The following SLCO3A1 variants were observed in gnomAD, a reference collection of about 807,000 sequenced individuals.
The protein encoded by SLCO3A1 is solute carrier organic anion transporter family member 3A1, also known as PGE1 transporter.
SLCO3A1 carries 27 observed loss-of-function variants against 63.1 expected under a neutral mutation model. The ratio of observed to expected loss-of-function variants is 0.43; its 90% confidence interval spans 0.32 to 0.59. The LOEUF (loss-of-function observed/expected upper bound fraction) is 0.59, where lower values mean the gene tolerates loss of function less well. Among genes scored for constraint, SLCO3A1 ranks in the 20% least tolerant of loss-of-function variants. The pLI is 0.09. For synonymous variants in SLCO3A1, 473 were observed against 409.9 expected (o/e 1.15, Z -1.86); for missense variants, 773 against 945.8 (o/e 0.82, Z 2.40).
At chr15:91,915,923 C>T in intron 1 of SLCO3A1, 70 bp from the exon 2 acceptor site, 2 of 1,337,506 alleles carry the variant, frequency 1.5e-6, no homozygotes, top group African/African-American at 1.5e-5. Context: ...AGCGCACTGT[C>T]AGGCGGGAAG....
rs935758432 is a variant in SLCO3A1 at position 92,164,784 on chromosome 15, G to A, written c.*1649G>A. On this transcript the variant is annotated 3_prime_UTR_variant, in exon 10 of 10. Coordinates refer to ENST00000318445, the MANE Select transcript of SLCO3A1 (RefSeq NM_013272.4). ...TGTTATGATTTGGGGTAAGAATCAC[G>A]TTGGAAAACCTCTCGCAACCAGCAC... 1.5e-5 allele frequency: 15 copies of A among 985,266 alleles called. No individual in the cohort carries two copies. Among genetic ancestry groups the A allele is most frequent in the African/African-American group, 3.5e-5 (2 of 57,206 alleles). 61.0% of individuals were successfully genotyped at this position (985,266 alleles called of 1,614,324 possible).
In SLCO3A1 at chr15:92,015,043, G is replaced by A. The variant is rs556167054; in HGVS notation, c.647-79838G>A. Among the ~76,000 whole-genome samples the A allele has an allele frequency of 1.6e-3, 244 of 152,312 alleles. 1 individual carries two copies. The highest frequency in any genetic ancestry group is 3.4e-3 in the Middle Eastern group (1 of 294). ...TAAGGCATGGCTTTCAGAAGCCTTG[G>A]ACAGCAGAGAAATACTGGGAAGCAG... On this transcript the variant is annotated intron_variant, in intron 2 of 9. Coordinates refer to ENST00000318445, the MANE Select transcript of SLCO3A1 (RefSeq NM_013272.4).
At chr15:91,922,710 C>A (rs935887562) in intron 2 of SLCO3A1, among the ~76,000 whole-genome samples, 1 of 152,204 alleles carries the variant, frequency 6.6e-6, no homozygotes, top group Non-Finnish European at 1.5e-5. Context: ...CTCGTGGGAG[C>A]AAGCATTGCT....
rs1056491994 is a variant in SLCO3A1, at chr15:91,942,718, A to G, written c.646+26260A>G. Among the ~76,000 whole-genome samples the G allele has an allele frequency of 1.3e-5, 2 of 152,092 alleles. No homozygotes were observed. Among genetic ancestry groups the G allele is most frequent in the African/African-American group, 4.8e-5 (2 of 41,410 alleles). On this transcript the variant is annotated intron_variant, in intron 2 of 9. Transcript: ENST00000318445. The surrounding 1 kb of genome is among the most constrained non-coding windows in gnomAD (Gnocchi z 4.1). ...CAAGAAGCTGGAATTACAGGCGTGC[A>G]CCACCACGCCCGGCTAATTTTTGAA...
At chr15:91,976,910 C>A (rs540690405) in intron 2 of SLCO3A1, among the ~76,000 whole-genome samples, 1 of 152,064 alleles carries the variant, frequency 6.6e-6, no homozygotes, top group Non-Finnish European at 1.5e-5. Context: ...ACCACAGGAC[C>A]GGGGCGAAAT....
At chr15:91,953,310 A>G (rs948358535) in intron 2 of SLCO3A1, among the ~76,000 whole-genome samples, 1 of 152,204 alleles carries the variant, frequency 6.6e-6, no homozygotes. Flanking sequence ...GAACTATGCT[A>G]TGGCTGGGGC....
At chr15:91,895,827 C>T (rs1375463076) in intron 1 of SLCO3A1, among the ~76,000 whole-genome samples, 2 of 152,198 alleles carry the variant, frequency 1.3e-5, no homozygotes, top group South Asian at 4.1e-4. Flanking sequence ...GTGGTGTTTT[C>T]CATTTTTATT....
At chr15:92,160,733 A>G (rs747582065) in intron 9 of SLCO3A1, among the ~76,000 whole-genome samples, 6 of 152,140 alleles carry the variant, frequency 3.9e-5, no homozygotes, top group Non-Finnish European at 8.8e-5. Flanking sequence ...TGCCAAGCTC[A>G]TTAGCACTCA....
At chr15:92,024,959 A>G (rs1597232702) in intron 2 of SLCO3A1, among the ~76,000 whole-genome samples, 1 of 152,108 alleles carries the variant, frequency 6.6e-6, no homozygotes, top group East Asian at 1.9e-4. Flanking sequence ...CCATCTGTTC[A>G]TCCATTCATC....
chr15:92,169,611 C>T (rs1173529924), downstream of SLCO3A1, among the ~76,000 whole-genome samples: 1 of 152,224 alleles, frequency 6.6e-6, no homozygotes, highest in East Asian at 1.9e-4. Flanking sequence ...AATGCACTAT[C>T]AAAGCACCAA....
intron 2 of SLCO3A1, among the ~76,000 whole-genome samples, chr15:92,013,996 C>T (rs561873368): frequency 6.6e-6 from 1 of 152,076 alleles, no homozygotes; most frequent in Non-Finnish European, 1.5e-5. Context: ...CCTCCCCTCG[C>T]GTGGTCACTC....
At chr15:91,962,584 T>C (rs1256668848) in intron 2 of SLCO3A1, among the ~76,000 whole-genome samples, 1 of 150,240 alleles carries the variant, frequency 6.7e-6, no homozygotes, top group Non-Finnish European at 1.5e-5. Flanking sequence ...GACTTGGTGC[T>C]GAGGAGGGAA....
chr15:91,864,230 C>T (rs28538228), intron 1 of SLCO3A1, among the ~76,000 whole-genome samples: 18,206 of 152,174 alleles, frequency 0.12, 2,869 homozygotes, highest in African/African-American at 0.37. Flanking sequence ...AGTATAACAT[C>T]GTAGAATCTC....
At chr15:91,866,288 A>G (rs1897162428) in intron 1 of SLCO3A1, among the ~76,000 whole-genome samples, 1 of 152,178 alleles carries the variant, frequency 6.6e-6, no homozygotes, top group East Asian at 1.9e-4. Context: ...GTATGTACAT[A>G]GGTACTCATC....
intron 7 of SLCO3A1, 140 bp from the exon 8 acceptor site, chr15:92,146,844 A>G (rs2048231185): frequency 1.4e-6 from 1 of 699,978 alleles, no homozygotes; most frequent in Admixed American, 3.5e-5. Flanking sequence ...AAAAAAGCTA[A>G]CTAACTCGTT....
chr15:92,161,095 G>C (rs1019981686), intron 9 of SLCO3A1, among the ~76,000 whole-genome samples: 1 of 152,188 alleles, frequency 6.6e-6, no homozygotes. Context: ...GAGGTATAGA[G>C]GCCCTGGGAT....
chr15:92,095,511 C>G (rs918422042), intron 3 of SLCO3A1, among the ~76,000 whole-genome samples: 2 of 152,150 alleles, frequency 1.3e-5, no homozygotes, highest in African/African-American at 4.8e-5. Flanking sequence ...CATTCAAAAC[C>G]ATTTTAAGCA....
In SLCO3A1 at chr15:92,165,750, C is replaced by T. The variant is rs2048488997; in HGVS notation, c.*2615C>T. The T allele has an allele frequency of 2.0e-6, 2 of 984,024 alleles. No homozygotes were observed. The highest frequency in any genetic ancestry group is 9.4e-5 in the South Asian group (2 of 21,224). The allele number at this position is 984,024 out of a possible 1,614,324, so 61.0% of individuals were successfully genotyped here. A position where few individuals can be genotyped will look rare whatever the true frequency, so the allele number is the denominator to read the frequency against. On this transcript the variant is annotated 3_prime_UTR_variant, in exon 10 of 10. Coordinates refer to ENST00000318445, the MANE Select transcript of SLCO3A1 (RefSeq NM_013272.4). ...GAAAACTCAGTCTAGTTTTAATTTGCCTTTTGTGCTCTAAAGAAGCATTGT... is the reference window on the plus strand; with the variant it reads ...GAAAACTCAGTCTAGTTTTAATTTGTCTTTTGTGCTCTAAAGAAGCATTGT...
chr15:91,880,109 C>T (rs1224818278), intron 1 of SLCO3A1, among the ~76,000 whole-genome samples: 1 of 77,036 alleles, frequency 1.3e-5, no homozygotes, highest in African/African-American at 6.0e-5. Flanking sequence ...GTCCGTCCGT[C>T]CGTCCGTCCG....
Sources: gnomAD v4.1 joint callset for allele counts (sites outside exome capture counted in the v4.1 genomes callset) on GRCh38, gnomAD v4.1.1 for gene constraint, Gnocchi (gnomAD v3.1) non-coding constraint, MANE v1.5 for transcripts, NCBI Gene and HGNC (gene_info 2026-07-23, HGNC 2026-07-21) for gene names.